The following ABCB10 variants were observed in gnomAD, a reference collection of about 807,000 sequenced individuals.
ABCB10 encodes the protein ATP-binding cassette sub-family B member 10, mitochondrial.
In ABCB10, 54 loss-of-function variants were observed where a neutral mutation model predicts 65.4. That is an observed-to-expected ratio of 0.83 (90% confidence interval 0.66 to 1.04). ABCB10 has a LOEUF of 1.04. Among genes scored for constraint, ABCB10 ranks in the 50% least tolerant of loss-of-function variants. The pLI, the probability that ABCB10 is intolerant of heterozygous loss-of-function variation, is 0.00. For synonymous variants in ABCB10, 418 were observed against 406.5 expected (o/e 1.03, Z -0.34); for missense variants, 846 against 976.6 (o/e 0.87, Z 1.78).
At chr1:229,551,608 AT>A (rs1663118674) in intron 1 of ABCB10, among the ~76,000 whole-genome samples, 1 of 152,226 alleles carries the variant, frequency 6.6e-6, no homozygotes. Flanking sequence ...TTAAAATCCC[AT>A]AATCACAATC....
intron 1 of ABCB10, among the ~76,000 whole-genome samples, chr1:229,555,940 T>A (rs1306869406): frequency 3.5e-5 from 5 of 143,008 alleles, no homozygotes; most frequent in Non-Finnish European, 7.5e-5. Context: ...GATATCCTTA[T>A]CCTCATAACA....
At chr1:229,555,056 A>G (rs1663213078) in intron 1 of ABCB10, among the ~76,000 whole-genome samples, 1 of 152,132 alleles carries the variant, frequency 6.6e-6, no homozygotes, top group Non-Finnish European at 1.5e-5. Context: ...ACAGGCACCA[A>G]CTGAACATGC....
intron 10 of ABCB10, among the ~76,000 whole-genome samples, chr1:229,523,498 A>G (rs999530879): frequency 7.9e-5 from 12 of 152,204 alleles, no homozygotes; most frequent in African/African-American, 2.9e-4. Context: ...TGCTCTAAAC[A>G]GGAAACCAGT....
chr1:229,555,075 A>T (rs1663213935), intron 1 of ABCB10, among the ~76,000 whole-genome samples: 1 of 152,156 alleles, frequency 6.6e-6, no homozygotes, highest in African/African-American at 2.4e-5. Context: ...GCCCCAGCGG[A>T]GGGGATACAT....
At chr1:229,527,816 G>T (rs1662481542) in intron 8 of ABCB10, among the ~76,000 whole-genome samples, 1 of 152,168 alleles carries the variant, frequency 6.6e-6, no homozygotes, top group Admixed American at 6.5e-5. Context: ...GTTCTGGGGT[G>T]GAGTTCTGCA....
chr1:229,549,940 G>C (rs1663067150), intron 1 of ABCB10: 1 of 154,604 alleles, frequency 6.5e-6, no homozygotes, highest in Admixed American at 6.3e-5. Flanking sequence ...ACCCAATCTT[G>C]TCTGACCTCA....
chr1:229,540,558 C>T, intron 5 of ABCB10, 48 bp downstream of exon 5: 1 of 1,547,986 alleles, frequency 6.5e-7, no homozygotes, highest in Non-Finnish European at 8.7e-7. Flanking sequence ...AAAACTCTCA[C>T]CATTCTAACA....
At chr1:229,539,075 A>G (rs919164079) in intron 6 of ABCB10, among the ~76,000 whole-genome samples, 1 of 152,248 alleles carries the variant, frequency 6.6e-6, no homozygotes, top group African/African-American at 2.4e-5. Flanking sequence ...TGATTTGCCA[A>G]TCACGAAACC....
rs1470082799 is a variant in ABCB10 at position 229,539,448 on chromosome 1, T to G, written c.1339+8A>C. Reference sequence around the variant, plus strand: ...TTGTAACACCCCAAGCCTATTTAAATTATTTACCTCCAATGCTTATTCCAA... The same window carrying G: ...TTGTAACACCCCAAGCCTATTTAAAGTATTTACCTCCAATGCTTATTCCAA... On this transcript the variant is annotated splice_region_variant and intron_variant, in intron 6 of 12. Coordinates refer to ENST00000344517, the MANE Select transcript of ABCB10 (RefSeq NM_012089.3). The G allele has an allele frequency of 6.2e-7, 1 of 1,613,804 alleles. No individual in the cohort carries two copies.
At chr1:229,541,951 C>CAAAAAAAAAAAAAAAA (rs1180453323) in intron 4 of ABCB10, among the ~76,000 whole-genome samples, 1 of 68,760 alleles carries the variant, frequency 1.5e-5, no homozygotes, top group African/African-American at 5.1e-5. Context: ...TACCTTGTCT[C>CAAAAAAAAAAAAAAAA]AAAAAAAAAA....
chr1:229,530,230 T>A lies in ABCB10; in HGVS notation c.1614A>T (p.Ser538=), dbSNP rs748671713. Residue 538 remains serine (S), a synonymous_variant, in exon 8 of 13, where the codon TCA becomes TCT. Transcript: ENST00000344517. ...PSGSGKSTVL[S]LLLRLYDPAS... ...CAGGGTCGTACAACCTCAGCAGGAG[T>A]GAAAGCACTGTTGATTTGCCAGAAC... 1.8e-5 allele frequency: 29 copies of A among 1,613,446 alleles called. No individual in the cohort carries two copies. The highest frequency in any genetic ancestry group is 2.5e-5 in the Non-Finnish European group (29 of 1,179,858).
At chr1:229,529,978 T>C (rs1662540339) in intron 8 of ABCB10, among the ~76,000 whole-genome samples, 1 of 152,100 alleles carries the variant, frequency 6.6e-6, no homozygotes. Context: ...CTTGAAGAGG[T>C]AGGACACATT....
chr1:229,539,597 G>A lies in ABCB10; in HGVS notation c.1204-6C>T, dbSNP rs200155352. On this transcript the variant is annotated splice_polypyrimidine_tract_variant and splice_region_variant and intron_variant, in intron 5 of 12. Transcript: ENST00000344517. ...AGGTTTCCGGAGAGCCCAGTCTGTC[G>A]AATGAAGAAAACACAGAAGTCAGGT... 140 of 1,611,524 alleles carry A rather than the reference G, an allele frequency of 8.7e-5. No individual in the cohort carries two copies. The highest frequency in any genetic ancestry group is 6.8e-5 in the Non-Finnish European group (80 of 1,179,240).
At chr1:229,522,246 C>T (rs1158807375) in intron 10 of ABCB10, among the ~76,000 whole-genome samples, 2 of 151,666 alleles carry the variant, frequency 1.3e-5, no homozygotes, top group South Asian at 2.1e-4. Context: ...CTTGCTCTGT[C>T]ACCCAGCTGG....
At chr1:229,542,101 T>A (rs1206649571) in intron 4 of ABCB10, 136 bp downstream of exon 4, 98 of 1,190,186 alleles carry the variant, frequency 8.2e-5, no homozygotes, top group Non-Finnish European at 1.1e-4. Flanking sequence ...TTCATGGATC[T>A]TGGGGTAATT....
chr1:229,551,617 A>G (rs1488633849), intron 1 of ABCB10, among the ~76,000 whole-genome samples: 1 of 152,206 alleles, frequency 6.6e-6, no homozygotes, highest in African/African-American at 2.4e-5. Context: ...CATAATCACA[A>G]TCTAACTGAA....
At chr1:229,519,162 G>C (rs377592583) in intron 11 of ABCB10, 3 of 256,376 alleles carry the variant, frequency 1.2e-5, no homozygotes, top group Non-Finnish European at 2.2e-5. Context: ...GAGGGTCCCT[G>C]GGGGGGTGAT....
chr1:229,531,511 A>G (rs1459684143), intron 7 of ABCB10, 125 bp downstream of exon 7: 1 of 924,746 alleles, frequency 1.1e-6, no homozygotes, highest in African/African-American at 1.7e-5. Flanking sequence ...CCGGCCCGCC[A>G]TGCAGCAGGA....
chr1:229,527,399 C>CA, intron 8 of ABCB10, 91 bp from the exon 9 acceptor site: 2 of 1,160,156 alleles, frequency 1.7e-6, no homozygotes, highest in East Asian at 4.7e-5. Flanking sequence ...ATTCCAGACT[C>CA]ATTTTTTAAA....
Sources: gnomAD v4.1 joint callset for allele counts (sites outside exome capture counted in the v4.1 genomes callset) on GRCh38, gnomAD v4.1.1 for gene constraint, MANE v1.5 for transcripts, NCBI Gene and HGNC (gene_info 2026-07-23, HGNC 2026-07-21) for gene names.